PPP6R2: variants seen among roughly 807,000 people sequenced by gnomAD.
PPP6R2 encodes serine/threonine-protein phosphatase 6 regulatory subunit 2.
In PPP6R2, 62 loss-of-function variants were observed where a neutral mutation model predicts 100.2. The observed-to-expected ratio is 0.62, with a 90% CI of 0.50 to 0.76. The LOEUF (loss-of-function observed/expected upper bound fraction) is 0.76, where lower values mean the gene tolerates loss of function less well. Ranked by LOEUF, PPP6R2 falls within the 30% of genes least tolerant of loss-of-function variation. The pLI, the probability that PPP6R2 is intolerant of heterozygous loss-of-function variation, is 0.00. For missense variants in PPP6R2, 1,142 were observed against 1,276.3 expected, an observed-to-expected ratio of 0.89 and a Z score of 1.60; for synonymous variants, 525 against 514.7, an observed-to-expected ratio of 1.02 and a Z score of -0.27.
chr22:50,438,065 C>T, intron 17 of PPP6R2, 109 bp from the exon 18 acceptor site: 1 of 1,512,612 alleles, frequency 6.6e-7, no homozygotes, highest in Admixed American at 2.0e-5. Flanking sequence ...TCCCCTCCAG[C>T]CCGGGGCTCC....
intron 3 of PPP6R2, among the ~76,000 whole-genome samples, chr22:50,394,642 C>T (rs914154238): frequency 3.1e-4 from 45 of 146,856 alleles, no homozygotes; most frequent in African/African-American, 1.1e-3. Context: ...CACAGTGGCT[C>T]ATGTCTGTAA....
chr22:50,350,767 C>T (rs1602055837), intron 1 of PPP6R2, among the ~76,000 whole-genome samples: 1 of 150,968 alleles, frequency 6.6e-6, no homozygotes, highest in Non-Finnish European at 1.5e-5. Context: ...ATGGCATGAA[C>T]CCAGGAGGCG....
At chr22:50,428,224 A>G (rs1437977423) in intron 10 of PPP6R2, among the ~76,000 whole-genome samples, 2 of 152,174 alleles carry the variant, frequency 1.3e-5, no homozygotes, top group Admixed American at 1.3e-4. Context: ...CAAATCTTTT[A>G]TCTCCTTGAC....
At chr22:50,349,780 A>G (rs1176650873) in intron 1 of PPP6R2, among the ~76,000 whole-genome samples, 1 of 150,638 alleles carries the variant, frequency 6.6e-6, no homozygotes, top group East Asian at 2.0e-4. Flanking sequence ...ACAACATTGC[A>G]TTCCATTCTG....
At chr22:50,384,915 T>C (rs2053897412) in intron 2 of PPP6R2, among the ~76,000 whole-genome samples, 1 of 152,016 alleles carries the variant, frequency 6.6e-6, no homozygotes, top group Non-Finnish European at 1.5e-5. Flanking sequence ...TAATCTTGTT[T>C]TGTTTTGTTT....
chr22:50,444,351 T>A lies in PPP6R2; in HGVS notation c.*104T>A, dbSNP rs1226159030. 6 of 1,343,960 alleles carry A rather than the reference T, an allele frequency of 4.5e-6. No individual in the cohort carries two copies. The highest frequency in any genetic ancestry group is 1.4e-5 in the South Asian group (1 of 72,082). The allele number at this position is 1,343,960 out of a possible 1,614,324, so 83.3% of individuals were successfully genotyped here. On this transcript the variant is annotated 3_prime_UTR_variant, in exon 24 of 24. Transcript: ENST00000612753. Reference sequence around the variant, plus strand: ...TTTTTTTTTTAATTTAATTTAATTTTAAAATAAATGCTGCATTGGTAAAGC... The same window carrying A: ...TTTTTTTTTTAATTTAATTTAATTTAAAAATAAATGCTGCATTGGTAAAGC...
the PPP6R2 span, among the ~76,000 whole-genome samples, chr22:50,337,531 T>C: frequency 8.7e-6 from 1 of 115,284 alleles, no homozygotes; most frequent in Admixed American, 9.0e-5. Context: ...CGTGTGTGTA[T>C]AGTGTGTGCG....
chr22:50,339,529 T>TGTGTGGTGTGTGTGGTATGTG (rs2042344832), upstream of PPP6R2, among the ~76,000 whole-genome samples: 1 of 129,376 alleles, frequency 7.7e-6, no homozygotes. Context: ...TGGTATGTGG[T>TGTGTGGTGTGTGTGGTATGTG]GTGTGGTGTG....
chr22:50,409,708 A>G (rs532770468), intron 4 of PPP6R2, among the ~76,000 whole-genome samples: 7 of 151,528 alleles, frequency 4.6e-5, no homozygotes, highest in East Asian at 2.0e-4. Context: ...TTACAGGCGT[A>G]AGCCACCGCG....
chr22:50,410,597 G>A (rs1341037174), intron 4 of PPP6R2, among the ~76,000 whole-genome samples: 3 of 143,820 alleles, frequency 2.1e-5, no homozygotes, highest in East Asian at 2.0e-4. Context: ...ATGGATTCTC[G>A]TGCCTCAGCC....
chr22:50,428,983 T>C (rs1027104266), intron 10 of PPP6R2, among the ~76,000 whole-genome samples: 5 of 152,204 alleles, frequency 3.3e-5, no homozygotes, highest in Admixed American at 3.3e-4. Context: ...ATACTGAAGA[T>C]ATTTCCTTCT....
chr22:50,372,539 ACT>A (rs1411063382), intron 2 of PPP6R2, among the ~76,000 whole-genome samples: 5 of 151,646 alleles, frequency 3.3e-5, no homozygotes, highest in African/African-American at 4.8e-5. Flanking sequence ...ACAGAGCAAG[ACT>A]CTGTTTCAAA....
rs941428468 is a variant in PPP6R2 at position 50,441,521 on chromosome 22, C to T, written c.2579+495C>T. Among the ~76,000 whole-genome samples the T allele has an allele frequency of 5.3e-5, 8 of 152,162 alleles. No individual in the cohort carries two copies. The East Asian group carries it at 9.7e-4, about 18-fold the overall frequency. ...GACCTCGCCTGCTGCTCCCCTTCCA[C>T]GGGAGGCCTATGATTCCGAGACGCC... is the stretch of plus-strand genomic sequence containing the variant. On this transcript the variant is annotated intron_variant, in intron 22 of 23. Transcript: ENST00000612753.
rs577088994 is a variant in PPP6R2, at chr22:50,404,120, A to C, written c.228-2569A>C. ...TTTTTTTTTTTTTTCTGGAAACAAG[A>C]GTCTCGCTCTGTCACCCAGACTGGA... On this transcript the variant is annotated intron_variant, in intron 3 of 23. Transcript: ENST00000612753. Among the ~76,000 whole-genome samples the C allele has an allele frequency of 1.9e-4, 25 of 129,526 alleles. 2 individuals are homozygous for C. Among genetic ancestry groups the C allele is most frequent in the African/African-American group, 6.9e-4 (24 of 34,694 alleles). The allele number at this position is 129,526 out of a possible 152,430, so 85.0% of individuals were successfully genotyped here.
chr22:50,404,448 T>C (rs1346258952), intron 3 of PPP6R2, among the ~76,000 whole-genome samples: 1 of 151,844 alleles, frequency 6.6e-6, no homozygotes, highest in Non-Finnish European at 1.5e-5. Flanking sequence ...TGGAGTGCAG[T>C]GGTGTGATCT....
chr22:50,334,301 C>G, the PPP6R2 span, among the ~76,000 whole-genome samples: 4 of 152,254 alleles, frequency 2.6e-5, no homozygotes, highest in Non-Finnish European at 5.9e-5. Context: ...AAGGAGTCCT[C>G]TAGAGGCCCT....
intron 4 of PPP6R2, among the ~76,000 whole-genome samples, chr22:50,412,108 A>G (rs922736256): frequency 2.0e-5 from 3 of 152,172 alleles, no homozygotes; most frequent in Non-Finnish European, 4.4e-5. Context: ...TTTCTAAAAC[A>G]CTAGTAGAAT....
intron 13 of PPP6R2, among the ~76,000 whole-genome samples, chr22:50,436,037 G>GCGTTT (rs1172229961): frequency 2.0e-5 from 3 of 152,328 alleles, no homozygotes; most frequent in East Asian, 3.9e-4. Flanking sequence ...CACGGCTTCT[G>GCGTTT]CGTTTCTGGG....
At chr22:50,442,298 G>C (rs536582238) in intron 22 of PPP6R2, among the ~76,000 whole-genome samples, 3 of 152,330 alleles carry the variant, frequency 2.0e-5, no homozygotes, top group Non-Finnish European at 4.4e-5. Context: ...CAAGCTGCAA[G>C]CTCAGCACCA....
Sources: allele counts gnomAD v4.1 joint callset (sites outside exome capture counted in the v4.1 genomes callset), GRCh38; gene constraint gnomAD v4.1.1; transcripts MANE v1.5; gene names NCBI Gene and HGNC (gene_info 2026-07-23, HGNC 2026-07-21).